CDAN1: variants seen among roughly 807,000 people sequenced by gnomAD.
CDAN1 encodes the protein codanin-1.
CDAN1 carries 107 observed loss-of-function variants against 139.8 expected under a neutral mutation model. That is an observed-to-expected ratio of 0.77 (90% CI 0.65 to 0.90). The LOEUF (loss-of-function observed/expected upper bound fraction) is 0.90, where lower values mean the gene tolerates loss of function less well. Among genes scored for constraint, CDAN1 ranks in the 40% least tolerant of loss-of-function variants. The pLI is 0.00. For missense variants in CDAN1, 1,667 were observed against 1,575.7 expected, an observed-to-expected ratio of 1.06 and a Z score of -0.98; for synonymous variants, 776 against 660.6, an observed-to-expected ratio of 1.17 and a Z score of -2.68.
chr15:42,726,463 TG>T (rs1276090489), intron 23 of CDAN1, 46 bp from the exon 24 acceptor site: 1 of 1,455,156 alleles, frequency 6.9e-7, no homozygotes, highest in African/African-American at 1.4e-5. Flanking sequence ...GGGGCCAGGA[TG>T]CCACAGAGAA....
At chr15:42,724,998 T>C (rs888594457) in intron 27 of CDAN1, 146 bp downstream of exon 27, 5 of 735,882 alleles carry the variant, frequency 6.8e-6, no homozygotes, top group Non-Finnish European at 9.8e-6. Context: ...ATATAATAAC[T>C]ACTCAAATCG....
chr15:42,724,717 T>C, intron 27 of CDAN1, 101 bp from the exon 28 acceptor site: 3 of 1,375,226 alleles, frequency 2.2e-6, no homozygotes, highest in African/African-American at 2.9e-5. Context: ...TATATTATTT[T>C]TTCTCAACTG....
At position 42,730,612 on chromosome 15, in the gene CDAN1, C is replaced by A. The variant is rs1319637768; in HGVS notation, c.2160G>T (p.Leu720=). 3.1e-6 allele frequency: 5 copies of A among 1,614,210 alleles called. No homozygotes were observed. The highest frequency in any genetic ancestry group is 1.7e-6 in the Non-Finnish European group (2 of 1,180,032). ...LEYYRDIFTL[L]LRLHRSLVLS... ...GTTCCACTCACCGGTGCAGGCGCAG[C>A]AGGAGAGTGAAGATGTCCCGGTAAT... The change falls in exon 14 of 28, where the codon CTG becomes CTT. Residue 720 remains leucine, a synonymous_variant. Transcript: ENST00000356231.
In CDAN1 at chr15:42,728,706, A is replaced by T. The variant is rs529452785; in HGVS notation, c.2750T>A (p.Ile917Asn). The change falls in exon 20 of 28, where the codon ATC becomes AAC. Residue 917 changes from isoleucine (I) to asparagine (N), a missense_variant. By Grantham distance (149) the Ile-to-Asn change is moderately radical. Coordinates refer to ENST00000356231, the MANE Select transcript of CDAN1 (RefSeq NM_138477.4). ...GTGAGGGCACAGCTGGGAACACAAG[A>T]TCTCCAACAGCTGGGCTGGGTCTCC... ...EGGDPAQLLE[I>N]LCSQLCPHGA... 6.2e-7 allele frequency: 1 copy of T among 1,614,088 alleles called. No individual in the cohort carries two copies. Among genetic ancestry groups the T allele is most frequent in the Non-Finnish European group, 8.5e-7 (1 of 1,180,012 alleles).
chr15:42,729,804 G>A lies in CDAN1; in HGVS notation c.2344C>T (p.His782Tyr), dbSNP rs922777186. 20 of 1,613,400 alleles carry A rather than the reference G, an allele frequency of 1.2e-5. No individual in the cohort carries two copies. In the East Asian group the frequency reaches 4.0e-4, roughly 32 times the overall value. The change falls in exon 16 of 28, where the codon CAT (histidine) becomes TAT (tyrosine). Residue 782 changes from histidine (H) to tyrosine (Y), a missense_variant. By Grantham distance (83) the His-to-Tyr change is moderately conservative. This residue lies in a region of CDAN1 where 936 missense variants were observed against 844.1 expected (regional missense o/e 1.11). Transcript: ENST00000356231. ...GGAACCCCAGCACTCACCAAGCCAT[G>A]CTCTGGGGCTACTGTGTCCACCTCA... ...AFEVDTVAPE[H>Y]GLDNAPVVDQ... is the part of the protein sequence containing the mutation.
rs1164872451 is a variant in CDAN1 at position 42,727,660 on chromosome 15, G to A, written c.3057C>T (p.His1019=). The part of the protein sequence containing the change: ...ERRGCSRACE[H]HAPLPSHLIS... ...TGAGGTGGGAGGGGAGGGGAGCATG[G>A]TGCTCACAGGCGCGGGAGCAGCCCC... Residue 1019 remains histidine (H), a synonymous_variant, in exon 23 of 28, where the codon CAC becomes CAT. Coordinates refer to ENST00000356231, the MANE Select transcript of CDAN1 (RefSeq NM_138477.4). 6.3e-7 allele frequency: 1 copy of A among 1,588,342 alleles called. No individual in the cohort carries two copies. Among genetic ancestry groups the A allele is most frequent in the Non-Finnish European group, 8.6e-7 (1 of 1,163,974 alleles).
rs146070801 is a variant in CDAN1 at position 42,727,722 on chromosome 15, C to G, written c.2995G>C (p.Ala999Pro). The change falls in exon 23 of 28, where the codon GCC (alanine) becomes CCC (proline). Residue 999 changes from alanine to proline, a missense_variant. Ala to Pro is a conservative substitution (Grantham distance 27, BLOSUM62 -1). Transcript: ENST00000356231. Reference sequence around the variant, plus strand: ...CGGGCAGCAGGTTCAGGACCCTGGGCTCGAAGTGTGCGACTCACTGCTGCT... The same window carrying G: ...CGGGCAGCAGGTTCAGGACCCTGGGGTCGAAGTGTGCGACTCACTGCTGCT... The part of the protein sequence containing the change: ...VKAAVSRTLR[A>P]QGPEPAARGE... 1 of 1,585,574 alleles carries G rather than the reference C, an allele frequency of 6.3e-7. No individual in the cohort carries two copies.
rs768091331 is a variant in CDAN1 at position 42,730,552 on chromosome 15, C to T, written c.2174+46G>A. 2.5e-6 allele frequency: 4 copies of T among 1,607,088 alleles called. No homozygotes were observed. The South Asian group carries it at 3.3e-5, about 13-fold the overall frequency. On this transcript the variant is annotated intron_variant, in intron 14 of 27. Coordinates refer to ENST00000356231, the MANE Select transcript of CDAN1 (RefSeq NM_138477.4). ...ATTAATAGCAGGCTTGACCAATGTCCCGAGTCCCGAATCCTTTCATCAAGC... is the reference window on the plus strand; with the variant it reads ...ATTAATAGCAGGCTTGACCAATGTCTCGAGTCCCGAATCCTTTCATCAAGC...
chr15:42,736,293 G>A lies in CDAN1; in HGVS notation c.569+9C>T, dbSNP rs778283367. On this transcript the variant is annotated intron_variant, in intron 2 of 27. Coordinates refer to ENST00000356231, the MANE Select transcript of CDAN1 (RefSeq NM_138477.4). ...GGTACCCATCTCCTGCATGAGAGCT[G>A]AGTCTCACCCTGTAGGGCCGGGGGG... 5 of 1,613,452 alleles carry A rather than the reference G, an allele frequency of 3.1e-6. No homozygotes were observed. The Admixed American group carries it at 6.7e-5, about 22-fold the overall frequency.
At position 42,724,625 on chromosome 15, in the gene CDAN1, C is replaced by T. The variant is rs2061498916; in HGVS notation, c.3559-9G>A. ...AATTCTTCAGCAAAGTCCTGGAATA[C>T]ATAGAAAGATGAGGGAAAAGGCAGC... is the stretch of plus-strand genomic sequence containing the variant. On this transcript the variant is annotated splice_polypyrimidine_tract_variant and intron_variant, in intron 27 of 27. Transcript: ENST00000356231. 3.2e-6 allele frequency: 5 copies of T among 1,551,920 alleles called. No homozygotes were observed. Among genetic ancestry groups the T allele is most frequent in the South Asian group, 1.2e-5 (1 of 84,046 alleles).
At chr15:42,730,567 T>C in intron 14 of CDAN1, 31 bp downstream of exon 14, 1 of 1,613,162 alleles carries the variant, frequency 6.2e-7, no homozygotes, top group Non-Finnish European at 8.5e-7. Context: ...TCCCGAATCC[T>C]TTCATCAAGC....
Position 42,735,151 on chromosome 15 carries a change from C to T in CDAN1, c.1085G>A (p.Ser362Asn), listed in dbSNP as rs749291717. ...LDSLESPLFQ[S>N]IHDCVFFAVQ... is the part of the protein sequence containing the mutation. ...TGCAAAGAAGACACAATCGTGGATG[C>T]TTTGGAACAGTGGACTTTCCAGGGA... The change falls in exon 6 of 28, where the codon AGC (serine) becomes AAC (asparagine). Residue 362 changes from serine (S) to asparagine (N), a missense_variant. Ser to Asn is a conservative substitution (Grantham distance 46). Transcript: ENST00000356231. The T allele has an allele frequency of 1.2e-6, 2 of 1,614,010 alleles. No homozygotes were observed. The highest frequency in any genetic ancestry group is 1.1e-5 in the South Asian group (1 of 91,056).
chr15:42,728,932 A>AC, intron 19 of CDAN1, 91 bp downstream of exon 19: 7 of 1,573,244 alleles, frequency 4.4e-6, no homozygotes, highest in Non-Finnish European at 6.1e-6. Context: ...CCCCACACCC[A>AC]CCCTCTGGCT....
rs750910544 is a variant in CDAN1, at chr15:42,731,578, C to T, written c.1739+42G>A. The T allele has an allele frequency of 3.4e-5, 54 of 1,603,208 alleles. No individual in the cohort carries two copies. In the South Asian group the frequency reaches 5.7e-4, roughly 17 times the overall value. On this transcript the variant is annotated intron_variant, in intron 11 of 27. Transcript: ENST00000356231. ...ACCCTTTTGGGAAGCCAAACCTTTCCTGGCCTCTGCCCCATTCCTTGCAAG... is the reference window on the plus strand; with the variant it reads ...ACCCTTTTGGGAAGCCAAACCTTTCTTGGCCTCTGCCCCATTCCTTGCAAG...
At chr15:42,736,146 C>G in intron 2 of CDAN1, 68 bp from the exon 3 acceptor site, 1 of 1,576,170 alleles carries the variant, frequency 6.3e-7, no homozygotes, top group Non-Finnish European at 8.7e-7. Context: ...ACCACCGCAA[C>G]AGCTAGACCT....
chr15:42,729,218 C>G lies in CDAN1; in HGVS notation c.2541+11G>C. On this transcript the variant is annotated intron_variant, in intron 18 of 27. Coordinates refer to ENST00000356231, the MANE Select transcript of CDAN1 (RefSeq NM_138477.4). ...TCATTTTCCCCACGGCTGTCTCCGC[C>G]CTGCCCTTACCTGCAGCCCCTGGCT... is the stretch of plus-strand genomic sequence containing the variant. 1 of 1,613,966 alleles carries G rather than the reference C, an allele frequency of 6.2e-7. No homozygotes were observed. Among genetic ancestry groups the G allele is most frequent in the Non-Finnish European group, 8.5e-7 (1 of 1,179,940 alleles).
intron 1 of CDAN1, 77 bp from the exon 2 acceptor site, chr15:42,736,857 G>A: frequency 2.8e-6 from 4 of 1,451,614 alleles, no homozygotes; most frequent in Non-Finnish European, 3.6e-6. Flanking sequence ...GGGCCGTAGG[G>A]CGCGCCTCGG....
Position 42,728,806 on chromosome 15 carries a change from T to C in CDAN1, c.2650A>G (p.Thr884Ala), listed in dbSNP as rs201131708. 3.0e-5 allele frequency: 49 copies of C among 1,614,046 alleles called. No individual in the cohort carries two copies. Among genetic ancestry groups the C allele is most frequent in the Non-Finnish European group, 3.8e-5 (45 of 1,180,024 alleles). ...TGGCGCACCAGATCTGCCACCAGTG[T>C]AGCCCTGCAGCAGGGACAGCAAGGT... ...GSNCVKHIKA[T>A]LVADLVRQAE... Residue 884 changes from threonine to alanine, a missense_variant, in exon 20 of 28, where the codon ACA (threonine) becomes GCA (alanine). This residue lies in a region of CDAN1 where 936 missense variants were observed against 844.1 expected (regional missense o/e 1.11). Coordinates refer to ENST00000356231, the MANE Select transcript of CDAN1 (RefSeq NM_138477.4).
At chr15:42,734,958 C>T (rs1361166045) in intron 6 of CDAN1, 142 bp downstream of exon 6, 1 of 720,196 alleles carries the variant, frequency 1.4e-6, no homozygotes, top group African/African-American at 1.8e-5. Flanking sequence ...ATAGCCTTAA[C>T]ACAAAATTAA....
Sources: gnomAD v4.1 joint callset for allele counts on GRCh38, gnomAD v4.1.1 for gene constraint, gnomAD v4.1.1 regional missense constraint, MANE v1.5 for transcripts, NCBI Gene and HGNC (gene_info 2026-07-23, HGNC 2026-07-21) for gene names.